Variants in BCL7C observed in about 807,000 individuals in gnomAD.
The protein encoded by BCL7C is BAF chromatin remodeling complex subunit BCL7C.
Under a neutral mutation model 26.2 loss-of-function variants are expected in BCL7C, and 8 were observed. The observed-to-expected ratio is 0.30, with a 90% CI of 0.18 to 0.55. The LOEUF is 0.55. BCL7C is among the 20% of genes least tolerant of loss of function. BCL7C has a pLI of 0.93. For synonymous variants in BCL7C, 90 were observed against 116.5 expected (o/e 0.77, Z 1.47); for missense variants, 262 against 298.5 (o/e 0.88, Z 0.90).
At chr16:30,874,138 G>C (rs1434829344) in intron 5 of BCL7C, among the ~76,000 whole-genome samples, 1 of 151,366 alleles carries the variant, frequency 6.6e-6, no homozygotes, top group African/African-American at 2.4e-5. Context: ...TGGGATTACA[G>C]GTGTGTGGCA....
intron 5 of BCL7C, among the ~76,000 whole-genome samples, chr16:30,888,483 C>T (rs1332727932): frequency 5.9e-5 from 9 of 151,938 alleles, no homozygotes; most frequent in Non-Finnish European, 7.4e-5. Flanking sequence ...ACTACAGGCA[C>T]GTGCCACCAC....
At chr16:30,892,775 G>C in intron 3 of BCL7C, 28 bp from the exon 4 acceptor site, 1 of 1,614,090 alleles carries the variant, frequency 6.2e-7, no homozygotes, top group Non-Finnish European at 8.5e-7. Context: ...GAGATGGTTG[G>C]CCTGAGATCC....
chr16:30,844,378 A>AG (rs2054621935), intron 5 of BCL7C, among the ~76,000 whole-genome samples: 1 of 149,696 alleles, frequency 6.7e-6, no homozygotes, highest in Admixed American at 6.7e-5. Context: ...AAAAAAAGGG[A>AG]AAAAACAAAC....
intron 5 of BCL7C, among the ~76,000 whole-genome samples, chr16:30,868,256 T>C (rs919038718): frequency 6.7e-6 from 1 of 149,254 alleles, no homozygotes; most frequent in Non-Finnish European, 1.5e-5. Context: ...GCCTCCCGAG[T>C]AGCTGGGACT....
rs573981575 is a variant in BCL7C at position 30,870,451 on chromosome 16, G to A, written c.528+18409C>T. Among the ~76,000 whole-genome samples, 38 of 152,232 alleles carry A rather than the reference G, an allele frequency of 2.5e-4. No individual in the cohort carries two copies. The South Asian group carries it at 7.5e-3, about 30-fold the overall frequency. ...CGGCCAAGGTGGGAGGATCACTTGA[G>A]CCCAGGAGTTTGAGACCAGTGTGGC... On this transcript the variant is annotated intron_variant, in intron 5 of 5. Transcript: ENST00000380317.
chr16:30,869,322 C>T (rs1480336789), intron 5 of BCL7C, among the ~76,000 whole-genome samples: 1 of 152,026 alleles, frequency 6.6e-6, no homozygotes, highest in African/African-American at 2.4e-5. Flanking sequence ...AATCCTCCCA[C>T]CTCAGCCTCC....
chr16:30,879,217 C>G (rs12926295), intron 5 of BCL7C, among the ~76,000 whole-genome samples: 1 of 151,880 alleles, frequency 6.6e-6, no homozygotes, highest in Non-Finnish European at 1.5e-5. Context: ...CTTGGTCATG[C>G]TAGATTCTCC....
chr16:30,882,220 C>A (rs2055054567), intron 5 of BCL7C, among the ~76,000 whole-genome samples: 1 of 152,150 alleles, frequency 6.6e-6, no homozygotes, highest in African/African-American at 2.4e-5. Flanking sequence ...GCCTCGGCCT[C>A]CCAAAGTGCT....
At chr16:30,875,028 C>G (rs1352496324) in intron 5 of BCL7C, among the ~76,000 whole-genome samples, 1 of 152,232 alleles carries the variant, frequency 6.6e-6, no homozygotes, top group East Asian at 1.9e-4. Context: ...GCGTAACGCC[C>G]TCCTTCCCGG....
At chr16:30,868,416 C>G (rs997077586) in intron 5 of BCL7C, among the ~76,000 whole-genome samples, 1 of 145,854 alleles carries the variant, frequency 6.9e-6, no homozygotes, top group African/African-American at 2.5e-5. Context: ...GGATTACAGG[C>G]GTGAGTCACC....
chr16:30,892,603 C>A lies in BCL7C; in HGVS notation c.425G>T (p.Arg142Leu). The A allele has an allele frequency of 1.3e-6, 2 of 1,578,146 alleles. No individual in the cohort carries two copies. Among genetic ancestry groups the A allele is most frequent in the Non-Finnish European group, 1.7e-6 (2 of 1,166,336 alleles). ...GGTCCTACCTCTCTCTTGGCCCAGC[C>A]GTGGGGGCTGAGCCTCCTCAGGGAC... ...EGVPEEAQPPRLGQERDPGGI... is the reference protein window; with the variant it reads ...EGVPEEAQPPLLGQERDPGGI... Residue 142 changes from arginine to leucine, a missense_variant, in exon 4 of 6, where the codon CGG (arginine) becomes CTG (leucine). Transcript: ENST00000215115.
At chr16:30,863,461 C>T (rs1180471306) in intron 5 of BCL7C, among the ~76,000 whole-genome samples, 1 of 152,204 alleles carries the variant, frequency 6.6e-6, no homozygotes, top group Non-Finnish European at 1.5e-5. Flanking sequence ...CATCATTAAT[C>T]TGTCTTTAAT....
Position 30,893,137 on chromosome 16 carries a change from G to A in BCL7C, c.171+75C>T, listed in dbSNP as rs933137129. 3.4e-6 allele frequency: 5 copies of A among 1,475,502 alleles called. No homozygotes were observed. Among genetic ancestry groups the A allele is most frequent in the Non-Finnish European group, 3.7e-6 (4 of 1,069,758 alleles). The allele number at this position is 1,475,502 out of a possible 1,614,324, so 91.4% of individuals were successfully genotyped here. On this transcript the variant is annotated intron_variant, in intron 2 of 5. Coordinates refer to ENST00000215115, the MANE Select transcript of BCL7C (RefSeq NM_004765.4). This position sits in a 1 kb window ranked among gnomAD's most constrained non-coding sequence, Gnocchi z 5.2. ...CATCTGAGGTCTCGGGGAGCTGGAG[G>A]TAGAGGTCAGCGTGGGGAGGAACTT...
At chr16:30,857,445 G>A (rs1383711805) in intron 5 of BCL7C, among the ~76,000 whole-genome samples, 5 of 151,590 alleles carry the variant, frequency 3.3e-5, no homozygotes, top group South Asian at 2.1e-4. Flanking sequence ...AGGAGTCAGC[G>A]GATAGGTCAA....
intron 5 of BCL7C, chr16:30,852,307 A>G (rs191512881): frequency 9.8e-5 from 15 of 152,360 alleles, no homozygotes; most frequent in African/African-American, 3.1e-4. Flanking sequence ...TTTTTGTCTA[A>G]CATCATTTCC....
rs2054558820 is a variant in BCL7C, at chr16:30,834,702, G to A, written c.*246C>T. Reference sequence around the variant, plus strand: ...CACCCCTCCCCTAGGCCTCTAGCAAGGCGGCCTCAGGCACTGGATGTGGTC... The same window carrying A: ...CACCCCTCCCCTAGGCCTCTAGCAAAGCGGCCTCAGGCACTGGATGTGGTC... On this transcript the variant is annotated 3_prime_UTR_variant, in exon 6 of 6. Coordinates refer to the BCL7C transcript ENST00000380317. The surrounding 1 kb of genome is among the most constrained non-coding windows in gnomAD (Gnocchi z 4.3). The A allele has an allele frequency of 7.6e-6, 3 of 393,660 alleles. No homozygotes were observed. The East Asian group carries it at 1.3e-4, about 17-fold the overall frequency. 24.4% of individuals were successfully genotyped at this position (393,660 alleles called of 1,614,324 possible). A position where few individuals can be genotyped will look rare whatever the true frequency, so the allele number is the denominator to read the frequency against.
chr16:30,852,177 C>A, intron 5 of BCL7C: 1 of 156,174 alleles, frequency 6.4e-6, no homozygotes, highest in South Asian at 1.9e-4. Flanking sequence ...CTTCTTGAAC[C>A]ACCACTGTAC....
At chr16:30,850,021 A>G (rs1189377549) in intron 5 of BCL7C, among the ~76,000 whole-genome samples, 1 of 151,890 alleles carries the variant, frequency 6.6e-6, no homozygotes, top group Non-Finnish European at 1.5e-5. Context: ...CATCCTGGCT[A>G]ACACAGTGAA....
At chr16:30,879,117 A>T (rs2055000029) in intron 5 of BCL7C, among the ~76,000 whole-genome samples, 1 of 152,208 alleles carries the variant, frequency 6.6e-6, no homozygotes, top group African/African-American at 2.4e-5. Flanking sequence ...GATGGTGATC[A>T]GCCATCCCAG....
Sources: gnomAD v4.1 joint callset for allele counts (sites outside exome capture counted in the v4.1 genomes callset) on GRCh38, gnomAD v4.1.1 for gene constraint, Gnocchi (gnomAD v3.1) non-coding constraint, MANE v1.5 for transcripts, NCBI Gene and HGNC (gene_info 2026-07-23, HGNC 2026-07-21) for gene names.